Variants in PTPRG observed in about 807,000 individuals in gnomAD.
PTPRG encodes the protein protein tyrosine phosphatase receptor type G, also known as receptor-type tyrosine-protein phosphatase gamma.
A neutral mutation model predicts 165.3 loss-of-function variants in PTPRG; 102 were observed. The ratio of observed to expected loss-of-function variants is 0.62; its 90% CI spans 0.53 to 0.73. The LOEUF (loss-of-function observed/expected upper bound fraction) is 0.73. Ranked by LOEUF, PTPRG falls within the 30% of genes least tolerant of loss-of-function variation. The probability of loss-of-function intolerance (pLI) is 0.00; values close to 1 mark genes in which losing one functional copy is unlikely to be tolerated. For missense variants in PTPRG, 1,866 were observed against 1,861.4 expected, an observed-to-expected ratio of 1.00 and a Z score of -0.05; for synonymous variants, 675 against 669.5, an observed-to-expected ratio of 1.01 and a Z score of -0.13.
At chr3:62,277,858 A>G (rs1383747587) in intron 26 of PTPRG, among the ~76,000 whole-genome samples, 179 bp downstream of exon 26, 2 of 152,094 alleles carry the variant, frequency 1.3e-5, no homozygotes, top group Non-Finnish European at 2.9e-5. Context: ...TACTGTCCCT[A>G]TCAGTTCCAT....
chr3:61,569,106 T>C (rs1025604523), intron 1 of PTPRG, among the ~76,000 whole-genome samples: 4 of 152,154 alleles, frequency 2.6e-5, no homozygotes, highest in African/African-American at 9.7e-5. Flanking sequence ...TGTCAGCCAG[T>C]TGATGAGAGT....
chr3:61,762,036 G>A (rs1398720552), intron 2 of PTPRG, among the ~76,000 whole-genome samples: 1 of 152,112 alleles, frequency 6.6e-6, no homozygotes, highest in African/African-American at 2.4e-5. Flanking sequence ...GCTCTTCTTG[G>A]CTGTTGGACT....
At chr3:61,957,723 A>C (rs1406599964) in intron 2 of PTPRG, among the ~76,000 whole-genome samples, 1 of 152,190 alleles carries the variant, frequency 6.6e-6, no homozygotes, top group Non-Finnish European at 1.5e-5. Flanking sequence ...AAAGGATTTC[A>C]TCTTGTGTCT....
intron 4 of PTPRG, among the ~76,000 whole-genome samples, chr3:62,041,080 G>A (rs1464645840): frequency 6.6e-6 from 1 of 152,146 alleles, no homozygotes; most frequent in African/African-American, 2.4e-5. Flanking sequence ...GTAAAATGTG[G>A]GTAGTAATAC....
chr3:61,903,249 G>A (rs570369189), intron 2 of PTPRG, among the ~76,000 whole-genome samples: 15 of 152,010 alleles, frequency 9.9e-5, no homozygotes, highest in South Asian at 2.1e-4. Flanking sequence ...GCCTTACCTC[G>A]TCCTTTCATC....
At chr3:61,774,462 G>A (rs1036538246) in intron 2 of PTPRG, among the ~76,000 whole-genome samples, 2 of 152,150 alleles carry the variant, frequency 1.3e-5, no homozygotes, top group Admixed American at 1.3e-4. Flanking sequence ...TGTTGCATAA[G>A]AGTCCAAATA....
At chr3:61,934,191 A>G (rs1024832917) in intron 2 of PTPRG, among the ~76,000 whole-genome samples, 1 of 152,222 alleles carries the variant, frequency 6.6e-6, no homozygotes, top group Non-Finnish European at 1.5e-5. Flanking sequence ...AGTTTTATAT[A>G]TGCATATATA....
intron 1 of PTPRG, among the ~76,000 whole-genome samples, chr3:61,586,117 G>A (rs1349270540): frequency 6.6e-6 from 1 of 152,174 alleles, no homozygotes; most frequent in African/African-American, 2.4e-5. Context: ...TGTTTTGCTA[G>A]TATGGATTTT....
chr3:61,705,775 C>T (rs1182761012), intron 1 of PTPRG, among the ~76,000 whole-genome samples: 3 of 152,178 alleles, frequency 2.0e-5, no homozygotes, highest in Admixed American at 6.5e-5. Context: ...AGTGGTACCC[C>T]GTATTCATCA....
In PTPRG at chr3:61,694,043, G is replaced by A. The variant is rs1049874398; in HGVS notation, c.86-54835G>A. ...AAAAAAAAAGAGAGAGAGAGAGAGAGGGAAGCAAGGCTTTAAAAAGTAGGT... is the reference window on the plus strand; with the variant it reads ...AAAAAAAAAGAGAGAGAGAGAGAGAAGGAAGCAAGGCTTTAAAAAGTAGGT... On this transcript the variant is annotated intron_variant, in intron 1 of 29. Coordinates refer to ENST00000474889, the MANE Select transcript of PTPRG (RefSeq NM_002841.4). Among the ~76,000 whole-genome samples the A allele has an allele frequency of 2.7e-5, 4 of 150,254 alleles. No individual in the cohort carries two copies. In the Admixed American group the frequency reaches 2.7e-4, roughly 10 times the overall value.
At chr3:61,615,900 G>A (rs921439580) in intron 1 of PTPRG, among the ~76,000 whole-genome samples, 1 of 152,114 alleles carries the variant, frequency 6.6e-6, no homozygotes, top group Non-Finnish European at 1.5e-5. Context: ...AGAAGCTGAG[G>A]AGCCAAAGAG....
At chr3:62,044,268 G>T (rs1356038466) in intron 4 of PTPRG, among the ~76,000 whole-genome samples, 2 of 152,230 alleles carry the variant, frequency 1.3e-5, no homozygotes, top group Admixed American at 6.5e-5. Context: ...GCCGGGTGTG[G>T]TGGCTCACGC....
intron 1 of PTPRG, among the ~76,000 whole-genome samples, chr3:61,733,784 A>G (rs74875215): frequency 1.3e-5 from 2 of 151,934 alleles, no homozygotes; most frequent in Non-Finnish European, 2.9e-5. Context: ...GGATTGATCA[A>G]CTCTTCACTT....
chr3:61,934,608 G>A lies in PTPRG; in HGVS notation c.191-55017G>A, dbSNP rs551591022. Reference sequence around the variant, plus strand: ...ATCACAGGTGGGGACCCCAGTTCCTGCCATCATATCTGCATTGTGGCCAGC... The same window carrying A: ...ATCACAGGTGGGGACCCCAGTTCCTACCATCATATCTGCATTGTGGCCAGC... On this transcript the variant is annotated intron_variant, in intron 2 of 29. Transcript: ENST00000474889. Among the ~76,000 whole-genome samples the A allele has an allele frequency of 2.0e-5, 3 of 152,068 alleles. No homozygotes were observed. The East Asian group carries it at 5.8e-4, about 30-fold the overall frequency.
At chr3:61,730,892 A>C (rs1273379512) in intron 1 of PTPRG, among the ~76,000 whole-genome samples, 1 of 152,216 alleles carries the variant, frequency 6.6e-6, no homozygotes, top group Non-Finnish European at 1.5e-5. Flanking sequence ...TGGGAACTGG[A>C]TTTCTAGGTT....
At chr3:61,616,592 C>A (rs73096772) in intron 1 of PTPRG, among the ~76,000 whole-genome samples, 2 of 152,328 alleles carry the variant, frequency 1.3e-5, no homozygotes, top group Admixed American at 6.5e-5. Context: ...CCAAGCCCTT[C>A]TCCCTGCCAT....
chr3:61,703,764 C>T (rs543648112), intron 1 of PTPRG, among the ~76,000 whole-genome samples: 15 of 152,168 alleles, frequency 9.9e-5, no homozygotes, highest in Admixed American at 3.9e-4. Context: ...CCTGTTAGCT[C>T]GTGATTTCTT....
Position 62,175,771 on chromosome 3 carries a change from G to T in PTPRG, c.1033+7608G>T, listed in dbSNP as rs984188308. 3.9e-5 allele frequency among the ~76,000 whole-genome samples: 6 copies of T among 152,326 alleles called. No individual in the cohort carries two copies. In the East Asian group the frequency reaches 5.8e-4, roughly 15 times the overall value. ...CGTGTGCTAAGAGCGGTAGAGTGTGGTGAGGTGGTGGGGAGGAGCCCTTCT... is the reference window on the plus strand; with the variant it reads ...CGTGTGCTAAGAGCGGTAGAGTGTGTTGAGGTGGTGGGGAGGAGCCCTTCT... On this transcript the variant is annotated intron_variant, in intron 8 of 29. Coordinates refer to ENST00000474889, the MANE Select transcript of PTPRG (RefSeq NM_002841.4).
intron 2 of PTPRG, among the ~76,000 whole-genome samples, chr3:61,821,260 C>A (rs1436642683): frequency 6.6e-6 from 1 of 152,028 alleles, no homozygotes; most frequent in African/African-American, 2.4e-5. Context: ...AGCTCCGCCG[C>A]CTGGGTTCAT....
Sources: gnomAD v4.1 joint callset for allele counts (sites outside exome capture counted in the v4.1 genomes callset) on GRCh38, gnomAD v4.1.1 for gene constraint, MANE v1.5 for transcripts, NCBI Gene and HGNC (gene_info 2026-07-23, HGNC 2026-07-21) for gene names.